RPL10: variants seen among roughly 807,000 people sequenced by gnomAD.
RPL10 encodes the protein ribosomal protein L10.
Under a neutral mutation model 15.7 loss-of-function variants are expected in RPL10, and 1 was observed. The ratio of observed to expected loss-of-function variants is 0.06; its 90% CI spans 0.02 to 0.30. RPL10 has a LOEUF of 0.30. Ranked by LOEUF, RPL10 falls within the 10% of genes least tolerant of loss-of-function variation. RPL10 has a pLI of 1.00. For missense variants in RPL10, 54 were observed against 183.4 expected (o/e 0.29, Z 4.08); for synonymous variants, 59 against 64.0 (o/e 0.92, Z 0.37).
rs1187373954 is a variant in RPL10 at position 154,401,113 on chromosome X, A to G, written c.*259A>G. 2 of 750,174 alleles carry G rather than the reference A, an allele frequency of 2.7e-6. No homozygotes were observed. Among genetic ancestry groups the G allele is most frequent in the East Asian group, 7.9e-5 (2 of 25,276 alleles). The allele number at this position is 750,174 out of a possible 1,213,427, so 61.8% of individuals were successfully genotyped here. Reference sequence around the variant, plus strand: ...ACTTGGACCTCCCCAGGTCCTAGGCAGTAGGTTGAAAAACACTGAAGTGCT... The same window carrying G: ...ACTTGGACCTCCCCAGGTCCTAGGCGGTAGGTTGAAAAACACTGAAGTGCT... On this transcript the variant is annotated 3_prime_UTR_variant, in exon 7 of 7. Transcript: ENST00000369817.
At chrX:154,398,171 C>A (rs1557184707), upstream of RPL10, 2 of 421,813 alleles carry the variant, frequency 4.7e-6, no homozygotes, top group Admixed American at 3.2e-5. Context: ...AAGCCCCATT[C>A]GTCAGCTGGC....
At position 154,400,634 on chromosome X, in the gene RPL10, G is replaced by A. The variant is rs12838486; in HGVS notation, c.492+8G>A. 1 of 1,211,445 alleles carries A rather than the reference G, an allele frequency of 8.3e-7. No homozygotes were observed. Among genetic ancestry groups the A allele is most frequent in the East Asian group, 3.0e-5 (1 of 33,838 alleles). ...TTTCCTGGCCGCCAGAAGGTATGTA[G>A]TGCTGCAGCCCCCTTCTCCCACCTT... is the stretch of plus-strand genomic sequence containing the variant. On this transcript the variant is annotated splice_region_variant and intron_variant, in intron 6 of 6. Coordinates refer to ENST00000369817, the MANE Select transcript of RPL10 (RefSeq NM_006013.5).
chrX:154,398,467 TC>T, intron 1 of RPL10, 29 bp from the exon 2 acceptor site: 3 of 1,206,512 alleles, frequency 2.5e-6, no homozygotes, highest in Non-Finnish European at 3.4e-6. Flanking sequence ...GTTCTCGTCT[TC>T]CGTTCCGACT....
chrX:154,398,559 T>C lies in RPL10; in HGVS notation c.23+17T>C, dbSNP rs782134399. The C allele has an allele frequency of 2.5e-6, 3 of 1,210,895 alleles. No homozygotes were observed. The highest frequency in any genetic ancestry group is 3.4e-6 in the Non-Finnish European group (3 of 895,254). On this transcript the variant is annotated intron_variant, in intron 2 of 6. Coordinates refer to ENST00000369817, the MANE Select transcript of RPL10 (RefSeq NM_006013.5). ...CGCCCGTTGGTGAGTCTTGAATCCG[T>C]GTACTTTCACTGCTGGGAAACGGGC... is the stretch of plus-strand genomic sequence containing the variant.
At position 154,401,112 on chromosome X, in the gene RPL10, C is replaced by A; in HGVS notation, c.*258C>A. On this transcript the variant is annotated 3_prime_UTR_variant, in exon 7 of 7. Transcript: ENST00000369817. Reference sequence around the variant, plus strand: ...GACTTGGACCTCCCCAGGTCCTAGGCAGTAGGTTGAAAAACACTGAAGTGC... The same window carrying A: ...GACTTGGACCTCCCCAGGTCCTAGGAAGTAGGTTGAAAAACACTGAAGTGC... 1 of 758,801 alleles carries A rather than the reference C, an allele frequency of 1.3e-6. No homozygotes were observed. The highest frequency in any genetic ancestry group is 1.8e-6 in the Non-Finnish European group (1 of 548,833). 62.5% of individuals were successfully genotyped at this position (758,801 alleles called of 1,213,427 possible).
intron 2 of RPL10, 138 bp from the exon 3 acceptor site, chrX:154,399,200 G>A: frequency 3.2e-6 from 2 of 624,502 alleles, no homozygotes; most frequent in Non-Finnish European, 5.5e-6. Context: ...TTATTTCCCC[G>A]AATGGAAACG....
At chrX:154,398,751 G>A (rs1569552247) in intron 2 of RPL10, 1 of 479,527 alleles carries the variant, frequency 2.1e-6, no homozygotes, top group East Asian at 3.7e-5. Flanking sequence ...GGAAGCGACG[G>A]TTCCCTCGTA....
rs1209961393 is a variant in RPL10, at chrX:154,401,876, C to T, written c.*1022C>T. The T allele has an allele frequency of 8.9e-6, 1 of 111,878 alleles. No homozygotes were observed. The highest frequency in any genetic ancestry group is 1.9e-5 in the Non-Finnish European group (1 of 53,181). 9.2% of individuals were successfully genotyped at this position (111,878 alleles called of 1,213,427 possible). A position where few individuals can be genotyped will look rare whatever the true frequency, so the allele number is the denominator to read the frequency against. On this transcript the variant is annotated 3_prime_UTR_variant, in exon 7 of 7. Transcript: ENST00000369817. ...AAATGTGATTATAGTTAACACATGA[C>T]CCTTCTAGCGTCCCAGCCAGTGTTT...
Position 154,400,981 on chromosome X carries a change from C to T in RPL10, c.*127C>T, listed in dbSNP as rs1557185996. On this transcript the variant is annotated 3_prime_UTR_variant, in exon 7 of 7. Coordinates refer to ENST00000369817, the MANE Select transcript of RPL10 (RefSeq NM_006013.5). ...CTCTGGGAACCTTTGGGTCATTGCC[C>T]TTTCACTTCAGAAACAGGTTGACAA... 1.7e-6 allele frequency: 2 copies of T among 1,170,117 alleles called. No individual in the cohort carries two copies. Among genetic ancestry groups the T allele is most frequent in the African/African-American group, 1.8e-5 (1 of 56,081 alleles).
chrX:154,400,018 A>C (rs1463439499), intron 5 of RPL10, 77 bp downstream of exon 5: 76 of 1,144,131 alleles, frequency 6.6e-5, no homozygotes, highest in Non-Finnish European at 8.2e-5. Flanking sequence ...CAGAGCATAG[A>C]GGTGGCCCCA....
At chrX:154,398,138 G>A (rs1250304617), upstream of RPL10, 4 of 360,026 alleles carry the variant, frequency 1.1e-5, no homozygotes, top group African/African-American at 7.7e-5. Flanking sequence ...AGCCGGAAGC[G>A]GGCTTCTCGC....
chrX:154,400,435 G>A, intron 5 of RPL10, 29 bp from the exon 6 acceptor site: 1 of 1,198,437 alleles, frequency 8.3e-7, no homozygotes, highest in Non-Finnish European at 1.1e-6. Flanking sequence ...GGATGTTCAT[G>A]TTTCTGACCT....
intron 2 of RPL10, 88 bp downstream of exon 2, chrX:154,398,630 G>C (rs370721698): frequency 1.0e-4 from 113 of 1,110,762 alleles, no homozygotes; most frequent in African/African-American, 7.8e-4. Context: ...GTGGGGTGGA[G>C]CCTCCCCCGT....
chrX:154,398,401 A>G lies in RPL10; in HGVS notation c.-24+7A>G, dbSNP rs782695456. ...CCTCTTTCCCTTCGGTGTGGTGAGTAAGCGCAGTTGTCGTCTCTTGCGGTG... is the reference window on the plus strand; with the variant it reads ...CCTCTTTCCCTTCGGTGTGGTGAGTGAGCGCAGTTGTCGTCTCTTGCGGTG... On this transcript the variant is annotated splice_region_variant and intron_variant, in intron 1 of 6. Coordinates refer to ENST00000369817, the MANE Select transcript of RPL10 (RefSeq NM_006013.5). 5.5e-6 allele frequency: 5 copies of G among 910,587 alleles called. No individual in the cohort carries two copies. The highest frequency in any genetic ancestry group is 8.0e-6 in the Non-Finnish European group (5 of 624,319). 75.0% of individuals were successfully genotyped at this position (910,587 alleles called of 1,213,427 possible).
rs1430410358 is a variant in RPL10, at chrX:154,399,876, G to A, written c.264G>A (p.Arg88=). 1.7e-6 allele frequency: 2 copies of A among 1,210,647 alleles called. No individual in the cohort carries two copies. The highest frequency in any genetic ancestry group is 4.4e-5 in the Admixed American group (2 of 45,867). Residue 88 remains arginine (R), a synonymous_variant, in exon 5 of 7, where the codon CGG becomes CGA. Transcript: ENST00000369817. ...GTGGCAAAGATGGCTTCCATATCCG[G>A]GTGCGGCTCCACCCCTTCCACGTCA... The part of the protein sequence containing the change: ...KSCGKDGFHI[R]VRLHPFHVIR...
chrX:154,398,335 A>C (rs1300177403), upstream of RPL10: 2 of 583,606 alleles, frequency 3.4e-6, no homozygotes, highest in Non-Finnish European at 6.0e-6. Context: ...TTACGCGCGC[A>C]GACAGACCGC....
At chrX:154,398,420 T>C (rs781914266) in intron 1 of RPL10, 26 bp downstream of exon 1, 2 of 1,051,241 alleles carry the variant, frequency 1.9e-6, no homozygotes, top group African/African-American at 3.6e-5. Context: ...TGTCGTCTCT[T>C]GCGGTGCCGT....
upstream of RPL10, chrX:154,398,238 C>G: frequency 2.0e-6 from 1 of 493,198 alleles, no homozygotes; most frequent in Non-Finnish European, 3.7e-6. Flanking sequence ...CTGGGCTACG[C>G]CCGGGCGCAA....
In RPL10 at chrX:154,398,477, C is replaced by T. The variant is rs375290440; in HGVS notation, c.-23-20C>T. 216 of 1,208,288 alleles carry T rather than the reference C, an allele frequency of 1.8e-4. No individual in the cohort carries two copies. Among genetic ancestry groups the T allele is most frequent in the Non-Finnish European group, 2.4e-4 (212 of 893,461 alleles). On this transcript the variant is annotated intron_variant, in intron 1 of 6. Coordinates refer to ENST00000369817, the MANE Select transcript of RPL10 (RefSeq NM_006013.5). ...GGTCTGTTCTCGTCTTCCGTTCCGA[C>T]TCTCTCTTTTTCGTTGCAGCCACTG...
Sources: gnomAD v4.1 joint callset for allele counts on GRCh38, gnomAD v4.1.1 for gene constraint, MANE v1.5 for transcripts, NCBI Gene and HGNC (gene_info 2026-07-23, HGNC 2026-07-21) for gene names.